Variants in CLEC7A observed in about 807,000 individuals in gnomAD.
CLEC7A encodes C-type lectin domain family 7 member A.
In CLEC7A, 25 loss-of-function variants were observed where a neutral mutation model predicts 26.9. The observed-to-expected ratio is 0.93, with a 90% CI of 0.68 to 1.30. CLEC7A has a LOEUF of 1.30. CLEC7A is among the 50% of genes most tolerant of loss of function. The pLI is 0.00. For synonymous variants in CLEC7A, 100 were observed against 99.5 expected (o/e 1.01, Z -0.03); for missense variants, 275 against 286.7 (o/e 0.96, Z 0.29).
In CLEC7A at chr12:10,118,196, T is replaced by A; in HGVS notation, c.*262A>T. The A allele has an allele frequency of 2.8e-6, 1 of 360,108 alleles. No individual in the cohort carries two copies. The highest frequency in any genetic ancestry group is 5.0e-6 in the Non-Finnish European group (1 of 201,222). 22.3% of individuals were successfully genotyped at this position (360,108 alleles called of 1,614,324 possible). A position where few individuals can be genotyped will look rare whatever the true frequency, so the allele number is the denominator to read the frequency against. ...ACCCTATCTCAAAAAAATAAATAAATAAAAAATAAAAACTCAAGCTTGGCT... is the reference window on the plus strand; with the variant it reads ...ACCCTATCTCAAAAAAATAAATAAAAAAAAAATAAAAACTCAAGCTTGGCT... On this transcript the variant is annotated 3_prime_UTR_variant, in exon 6 of 6. Coordinates refer to ENST00000304084, the MANE Select transcript of CLEC7A (RefSeq NM_197947.3).
At chr12:10,129,870 G>C in intron 1 of CLEC7A, 110 bp downstream of exon 1, 1 of 583,580 alleles carries the variant, frequency 1.7e-6, no homozygotes, top group Non-Finnish European at 3.1e-6. Context: ...CACCCGCCTC[G>C]GCCTCCCAAA....
intron 3 of CLEC7A, 39 bp downstream of exon 3, chr12:10,126,532 C>T (rs758522743): frequency 3.2e-6 from 5 of 1,574,998 alleles, no homozygotes; most frequent in East Asian, 4.6e-5. Context: ...AGAATTAACC[C>T]TCTTGAGTCA....
chr12:10,122,573 A>G (rs1948128707), intron 5 of CLEC7A, among the ~76,000 whole-genome samples: 1 of 143,448 alleles, frequency 7.0e-6, no homozygotes, highest in African/African-American at 2.7e-5. Flanking sequence ...ATCTCAGCTC[A>G]CTGCAACCTC....
Position 10,118,609 on chromosome 12 carries a change from G to A in CLEC7A, c.612-19C>T. 1.2e-6 allele frequency: 2 copies of A among 1,606,676 alleles called. No homozygotes were observed. Among genetic ancestry groups the A allele is most frequent in the African/African-American group, 2.7e-5 (2 of 74,700 alleles). On this transcript the variant is annotated intron_variant, in intron 5 of 5. Transcript: ENST00000304084. The stretch of plus-strand genomic sequence containing the variant: ...CTGAAATCTGTTAAAATAGAATACA[G>A]TGAGGTAATTAGAACAAATGTTAAG...
At chr12:10,126,851 G>T in intron 2 of CLEC7A, 143 bp from the exon 3 acceptor site, 1 of 684,742 alleles carries the variant, frequency 1.5e-6, no homozygotes, top group Non-Finnish European at 2.3e-6. Context: ...TTGCTGTGGA[G>T]AGATAAAGAC....
chr12:10,121,971 A>G (rs1948100700), intron 5 of CLEC7A, among the ~76,000 whole-genome samples: 1 of 152,166 alleles, frequency 6.6e-6, no homozygotes. Context: ...TCGCCATTGC[A>G]CTCCAGCCTG....
At chr12:10,119,301 G>A (rs1948005154) in intron 5 of CLEC7A, among the ~76,000 whole-genome samples, 2 of 152,166 alleles carry the variant, frequency 1.3e-5, no homozygotes, top group Admixed American at 1.3e-4. Flanking sequence ...CCCTGAGGTT[G>A]GAAGATTGAG....
At chr12:10,123,547 G>A (rs1232194198) in intron 4 of CLEC7A, among the ~76,000 whole-genome samples, 184 bp from the exon 5 acceptor site, 1 of 150,744 alleles carries the variant, frequency 6.6e-6, no homozygotes, top group Non-Finnish European at 1.5e-5. Flanking sequence ...AGATCATGAG[G>A]TCAGGAGATC....
At chr12:10,126,838 A>G in intron 2 of CLEC7A, 130 bp from the exon 3 acceptor site, 1 of 765,560 alleles carries the variant, frequency 1.3e-6, no homozygotes, top group South Asian at 2.1e-5. Flanking sequence ...AATAGATGAT[A>G]TATTGCTGTG....
chr12:10,129,245 A>G (rs548829234), intron 1 of CLEC7A, among the ~76,000 whole-genome samples: 1 of 151,322 alleles, frequency 6.6e-6, no homozygotes, highest in East Asian at 1.9e-4. Flanking sequence ...TCTTACCACA[A>G]AAAAAAAATG....
intron 1 of CLEC7A, among the ~76,000 whole-genome samples, chr12:10,128,309 G>A (rs184961594): frequency 4.0e-5 from 6 of 151,764 alleles, no homozygotes; most frequent in Admixed American, 3.3e-4. Flanking sequence ...TCACTGCCTA[G>A]GTTACCTGGT....
In CLEC7A at chr12:10,123,256, G is replaced by A. The variant is rs375085998; in HGVS notation, c.600C>T (p.Phe200=). ...CTCCAAACACTTACAAGTTAGAAGA[G>A]AATGTTGATCCATCCTCCCAGAGCC... is the stretch of plus-strand genomic sequence containing the variant. ...VPWLWEDGST[F]SSNLFQIRTT... The change falls in exon 5 of 6, where the codon TTC becomes TTT. Residue 200 remains phenylalanine, a synonymous_variant. Coordinates refer to ENST00000304084, the MANE Select transcript of CLEC7A (RefSeq NM_197947.3). The A allele has an allele frequency of 7.5e-6, 12 of 1,596,182 alleles. No homozygotes were observed. The highest frequency in any genetic ancestry group is 1.7e-5 in the Admixed American group (1 of 59,978).
intron 5 of CLEC7A, 29 bp downstream of exon 5, chr12:10,123,216 G>A (rs1948152754): frequency 7.2e-7 from 1 of 1,392,148 alleles, no homozygotes; most frequent in South Asian, 1.2e-5. Flanking sequence ...TGAGAAAAAG[G>A]ATGAAGCATT....
Position 10,130,005 on chromosome 12 carries a change from G to T in CLEC7A, c.78C>A (p.Thr26=), listed in dbSNP as rs374499102. Residue 26 remains threonine, a synonymous_variant, in exon 1 of 6, where the codon ACC becomes ACA. Transcript: ENST00000304084. The part of the protein sequence containing the change: ...TQLHFDSQSN[T]RIAVVSEKGS... ...CTTTCTCTGAAACAACAGCTATCCT[G>T]GTATTGCTTTGAGAGTCGAAGTGTA... The T allele has an allele frequency of 1.9e-6, 3 of 1,605,898 alleles. No homozygotes were observed. The highest frequency in any genetic ancestry group is 2.6e-6 in the Non-Finnish European group (3 of 1,172,674).
chr12:10,119,295 G>C (rs1056602355), intron 5 of CLEC7A, among the ~76,000 whole-genome samples: 1 of 152,222 alleles, frequency 6.6e-6, no homozygotes, highest in Non-Finnish European at 1.5e-5. Flanking sequence ...TCTTGACCCT[G>C]AGGTTGGAAG....
intron 2 of CLEC7A, chr12:10,126,916 A>C: frequency 1.5e-6 from 1 of 675,624 alleles, no homozygotes; most frequent in Non-Finnish European, 2.1e-6. Flanking sequence ...AGGTATAGTA[A>C]AAAAAAAAAA....
Position 10,125,279 on chromosome 12 carries a change from A to C in CLEC7A, c.492+18T>G, listed in dbSNP as rs750260600. On this transcript the variant is annotated intron_variant, in intron 4 of 5. Transcript: ENST00000304084. Reference sequence around the variant, plus strand: ...AGGATACACACCACAGATAATCATAACAGAAGTCTACACTTACCAATTCAT... The same window carrying C: ...AGGATACACACCACAGATAATCATACCAGAAGTCTACACTTACCAATTCAT... 2 of 1,608,470 alleles carry C rather than the reference A, an allele frequency of 1.2e-6. No individual in the cohort carries two copies. The highest frequency in any genetic ancestry group is 1.7e-6 in the Non-Finnish European group (2 of 1,175,946).
chr12:10,127,967 A>G, intron 1 of CLEC7A, 122 bp from the exon 2 acceptor site: 1 of 664,810 alleles, frequency 1.5e-6, no homozygotes, highest in Non-Finnish European at 2.6e-6. Context: ...GTAATCCCAG[A>G]AGGGAGACTG....
intron 5 of CLEC7A, among the ~76,000 whole-genome samples, chr12:10,119,695 G>A (rs1435893964): frequency 6.6e-6 from 1 of 152,134 alleles, no homozygotes. Context: ...ACACTATTGG[G>A]TGAACAGACC....
Sources: allele counts gnomAD v4.1 joint callset (sites outside exome capture counted in the v4.1 genomes callset), GRCh38; gene constraint gnomAD v4.1.1; transcripts MANE v1.5; gene names NCBI Gene and HGNC (gene_info 2026-07-23, HGNC 2026-07-21).